KCNMB2: variants seen among roughly 807,000 people sequenced by gnomAD.
KCNMB2 encodes the protein potassium calcium-activated channel subfamily M regulatory beta subunit 2.
Under a neutral mutation model 24.5 loss-of-function variants are expected in KCNMB2, and 9 were observed. The observed-to-expected ratio is 0.37, with a 90% confidence interval of 0.22 to 0.64. KCNMB2 has a LOEUF of 0.64. KCNMB2 is among the 30% of genes least tolerant of loss of function. The probability of loss-of-function intolerance (pLI) is 0.63; values close to 1 mark genes in which losing one functional copy is unlikely to be tolerated. For missense variants in KCNMB2, 226 were observed against 284.3 expected (o/e 0.79, Z 1.47); for synonymous variants, 109 against 104.4 (o/e 1.04, Z -0.27).
intron 1 of KCNMB2, among the ~76,000 whole-genome samples, chr3:178,709,973 C>T (rs1365617827): frequency 6.6e-6 from 1 of 152,156 alleles, no homozygotes; most frequent in African/African-American, 2.4e-5. Flanking sequence ...CCAGGATCAA[C>T]AGCAATTTAT....
intron 1 of KCNMB2, among the ~76,000 whole-genome samples, chr3:178,774,262 C>T (rs1207917402): frequency 6.6e-6 from 1 of 152,048 alleles, no homozygotes; most frequent in African/African-American, 2.4e-5. Context: ...AGTTACAGTC[C>T]TACCTTTCAT....
intron 2 of KCNMB2, among the ~76,000 whole-genome samples, chr3:178,823,803 C>G (rs1409803435): frequency 6.6e-6 from 1 of 152,174 alleles, no homozygotes; most frequent in African/African-American, 2.4e-5. Context: ...CAAAGTTCCA[C>G]TTTAGAGTCA....
At chr3:178,749,962 C>A (rs866609788) in intron 1 of KCNMB2, among the ~76,000 whole-genome samples, 1 of 152,178 alleles carries the variant, frequency 6.6e-6, no homozygotes, top group Non-Finnish European at 1.5e-5. Flanking sequence ...AAGACAGAGG[C>A]TCTTTCCCAT....
At position 178,536,561 on chromosome 3, in the gene KCNMB2, G is replaced by A. The variant is rs1176414641; in HGVS notation, c.-218G>A. 1.3e-5 allele frequency: 2 copies of A among 152,192 alleles called. No individual in the cohort carries two copies. The highest frequency in any genetic ancestry group is 2.9e-5 in the Non-Finnish European group (2 of 68,044). The allele number at this position is 152,192 out of a possible 1,614,324, so 9.4% of individuals were successfully genotyped here. A position where few individuals can be genotyped will look rare whatever the true frequency, so the allele number is the denominator to read the frequency against. ...TTTGAGCAGGGAGTATTAAAGCTAT[G>A]AGTTAGAAAGGGTTGTGACATTAAT... On this transcript the variant is annotated 5_prime_UTR_variant, in exon 1 of 5. The change abolishes an upstream ATG in the 5' untranslated region. Transcript: ENST00000452583.
At chr3:178,591,905 T>C (rs2108499982) in intron 1 of KCNMB2, among the ~76,000 whole-genome samples, 1 of 152,290 alleles carries the variant, frequency 6.6e-6, no homozygotes, top group East Asian at 1.9e-4. Context: ...GCTCTGCCTT[T>C]ATTTTTTTTT....
chr3:178,664,861 T>TA (rs1720664108), intron 1 of KCNMB2, among the ~76,000 whole-genome samples: 1 of 152,110 alleles, frequency 6.6e-6, no homozygotes, highest in Non-Finnish European at 1.5e-5. Context: ...CCTAAAGAGA[T>TA]ATATTGTGAA....
chr3:178,671,438 A>G (rs536762171), intron 1 of KCNMB2, among the ~76,000 whole-genome samples: 4 of 152,142 alleles, frequency 2.6e-5, no homozygotes, highest in Non-Finnish European at 5.9e-5. Context: ...ACCTCTAGAG[A>G]GGCAGTCTGC....
At chr3:178,796,735 G>A (rs1401979083) in intron 1 of KCNMB2, among the ~76,000 whole-genome samples, 1 of 151,840 alleles carries the variant, frequency 6.6e-6, no homozygotes, top group African/African-American at 2.4e-5. Context: ...AAAACCTATG[G>A]GATACAGTGA....
chr3:178,707,046 A>C (rs997474172), intron 1 of KCNMB2, among the ~76,000 whole-genome samples: 1 of 152,138 alleles, frequency 6.6e-6, no homozygotes, highest in Non-Finnish European at 1.5e-5. Context: ...AAAAAAAGTA[A>C]AGAATACTTA....
intron 1 of KCNMB2, among the ~76,000 whole-genome samples, chr3:178,638,432 A>G (rs1446888041): frequency 6.6e-6 from 1 of 152,022 alleles, no homozygotes; most frequent in Non-Finnish European, 1.5e-5. Flanking sequence ...TTATCTCTGC[A>G]TGTCTGAATC....
At chr3:178,582,603 T>C (rs556213324) in intron 1 of KCNMB2, among the ~76,000 whole-genome samples, 7 of 152,180 alleles carry the variant, frequency 4.6e-5, no homozygotes, top group Non-Finnish European at 5.9e-5. Context: ...GGTTGTCTAG[T>C]TTTACAAATA....
intron 1 of KCNMB2, among the ~76,000 whole-genome samples, chr3:178,760,506 TCGTGTG>T (rs1455360382): frequency 9.2e-6 from 1 of 108,436 alleles, no homozygotes; most frequent in Non-Finnish European, 2.0e-5. Context: ...TCCAAGAGTT[TCGTGTG>T]TGTGTGTGTG....
intron 1 of KCNMB2, among the ~76,000 whole-genome samples, chr3:178,567,905 C>T (rs1345542193): frequency 6.6e-6 from 1 of 152,074 alleles, no homozygotes; most frequent in African/African-American, 2.4e-5. Context: ...AATAAAGATT[C>T]CATCTCTTCC....
rs1190962569 is a variant in KCNMB2, at chr3:178,828,269, A to C, written c.319A>C (p.Lys107Gln). Reference protein sequence around the residue: ...CSFSCGPDCWKLSQYPCLQVY... With the variant: ...CSFSCGPDCWQLSQYPCLQVY... Reference sequence around the variant, plus strand: ...CTTCAGCTGTGGTCCAGACTGCTGGAAACTTTCTCAGTACCCCTGCCTCCA... The same window carrying C: ...CTTCAGCTGTGGTCCAGACTGCTGGCAACTTTCTCAGTACCCCTGCCTCCA... The change falls in exon 4 of 5, where the codon AAA (lysine) becomes CAA (glutamine). Residue 107 changes from lysine (K) to glutamine (Q), a missense_variant. Physicochemically the swap from Lys to Gln is moderately conservative, Grantham distance 53 (BLOSUM62 1). Coordinates refer to ENST00000452583, the MANE Select transcript of KCNMB2 (RefSeq NM_181361.3). 4 of 1,613,968 alleles carry C rather than the reference A, an allele frequency of 2.5e-6. No homozygotes were observed. The highest frequency in any genetic ancestry group is 3.3e-5 in the Admixed American group (2 of 60,008).
At chr3:178,823,996 G>C (rs1055621935) in intron 2 of KCNMB2, among the ~76,000 whole-genome samples, 1 of 152,058 alleles carries the variant, frequency 6.6e-6, no homozygotes, top group Admixed American at 6.6e-5. Context: ...AAAGGCCAGC[G>C]ATTTTCCCAT....
At chr3:178,612,370 T>C (rs531855545) in intron 1 of KCNMB2, among the ~76,000 whole-genome samples, 2 of 152,314 alleles carry the variant, frequency 1.3e-5, no homozygotes, top group African/African-American at 4.8e-5. Flanking sequence ...TATTATTATA[T>C]TGGGGCCTAT....
rs535322757 is a variant in KCNMB2, at chr3:178,799,680, A to G, written c.-67-7663A>G. 5.9e-5 allele frequency among the ~76,000 whole-genome samples: 9 copies of G among 152,260 alleles called. No homozygotes were observed. The South Asian group carries it at 1.9e-3, about 32-fold the overall frequency. On this transcript the variant is annotated intron_variant, in intron 1 of 4. Coordinates refer to ENST00000452583, the MANE Select transcript of KCNMB2 (RefSeq NM_181361.3). ...TCCACAGAAATAGAAAAATGATCCT[A>G]CAATTTATATGGAAACACAAAAGAC...
intron 2 of KCNMB2, among the ~76,000 whole-genome samples, chr3:178,819,158 C>A (rs1334525248): frequency 6.6e-6 from 1 of 152,118 alleles, no homozygotes; most frequent in African/African-American, 2.4e-5. Flanking sequence ...CTTCTACCAT[C>A]GATCCACTGA....
chr3:178,798,439 G>GC, intron 1 of KCNMB2, among the ~76,000 whole-genome samples: 1 of 152,146 alleles, frequency 6.6e-6, no homozygotes. Flanking sequence ...GCTCATTGCA[G>GC]CACTATTCAC....
Sources: gnomAD v4.1 joint callset for allele counts (sites outside exome capture counted in the v4.1 genomes callset) on GRCh38, gnomAD v4.1.1 for gene constraint, MANE v1.5 for transcripts, NCBI Gene and HGNC (gene_info 2026-07-23, HGNC 2026-07-21) for gene names.